Variants in BFSP2 observed in about 807,000 individuals in gnomAD.
BFSP2 encodes phakinin.
A neutral mutation model predicts 44.9 loss-of-function variants in BFSP2; 38 were observed. The observed-to-expected ratio is 0.85, with a 90% CI of 0.65 to 1.11. BFSP2 has a LOEUF of 1.11. BFSP2 is among the 50% of genes least tolerant of loss of function. The pLI is 0.00. For missense variants in BFSP2, 525 were observed against 533.0 expected (o/e 0.99, Z 0.15); for synonymous variants, 197 against 209.9 (o/e 0.94, Z 0.53).
intron 1 of BFSP2, among the ~76,000 whole-genome samples, chr3:133,443,281 T>C (rs1227991379): frequency 1.3e-5 from 2 of 152,176 alleles, no homozygotes; most frequent in Admixed American, 1.3e-4. Context: ...AGTTCTGAGA[T>C]AGACATTTAA....
At chr3:133,432,019 A>G (rs11711231) in intron 1 of BFSP2, among the ~76,000 whole-genome samples, 103,494 of 150,926 alleles carry the variant, frequency 0.69, 36,003 homozygotes, top group Middle Eastern at 0.88. Context: ...ACAAGTATGG[A>G]ACATCTCTAC....
At chr3:133,408,502 G>T (rs1559956832) in intron 1 of BFSP2, among the ~76,000 whole-genome samples, 1 of 152,208 alleles carries the variant, frequency 6.6e-6, no homozygotes, top group Non-Finnish European at 1.5e-5. Context: ...TGACCCAGCA[G>T]TCCTGTTTCT....
chr3:133,417,380 CCCTCTA>C (rs2073547622), intron 1 of BFSP2, among the ~76,000 whole-genome samples: 1 of 132,806 alleles, frequency 7.5e-6, no homozygotes, highest in African/African-American at 2.9e-5. Flanking sequence ...CTGCCCTCTC[CCCTCTA>C]CGTACCCCTG....
In BFSP2 at chr3:133,472,490, A is replaced by G; in HGVS notation, c.1169A>G (p.His390Arg). The change falls in exon 6 of 7, where the codon CAT becomes CGT. Residue 390 changes from histidine (H) to arginine (R), a missense_variant. Coordinates refer to ENST00000302334, the MANE Select transcript of BFSP2 (RefSeq NM_003571.4). ...GAGCAGCAGCAACAGGAGCGCGCGC[A>G]TCTGCTGGCCCGCAAGTGCCAGCTG... The part of the protein sequence containing the change: ...EAEQQQQERA[H>R]LLARKCQLQK... 1.2e-6 allele frequency: 2 copies of G among 1,613,524 alleles called. No homozygotes were observed. The highest frequency in any genetic ancestry group is 1.7e-6 in the Non-Finnish European group (2 of 1,180,008).
chr3:133,466,771 A>G, intron 4 of BFSP2, 57 bp from the exon 5 acceptor site: 1 of 1,583,732 alleles, frequency 6.3e-7, no homozygotes, highest in East Asian at 2.3e-5. Flanking sequence ...CTGGGAAGGA[A>G]GGATGGGCTC....
chr3:133,472,520 A>T lies in BFSP2; in HGVS notation c.1199A>T (p.Lys400Met), dbSNP rs1286198987. 16 of 1,612,796 alleles carry T rather than the reference A, an allele frequency of 9.9e-6. No homozygotes were observed. The highest frequency in any genetic ancestry group is 1.4e-5 in the Non-Finnish European group (16 of 1,180,006). Reference protein sequence around the residue: ...HLLARKCQLQKDVASYHALLD... With the variant: ...HLLARKCQLQMDVASYHALLD... ...CTGGCCCGCAAGTGCCAGCTGCAGA[A>T]GGACGTGGCGTCCTACCACGCCCTG... The change falls in exon 6 of 7, where the codon AAG becomes ATG. Residue 400 changes from lysine (K) to methionine (M), a missense_variant. Transcript: ENST00000302334.
intron 4 of BFSP2, among the ~76,000 whole-genome samples, chr3:133,458,748 G>A (rs2074035760): frequency 1.3e-5 from 2 of 152,064 alleles, no homozygotes; most frequent in Non-Finnish European, 2.9e-5. Flanking sequence ...CGCTCTCTCA[G>A]GCCCTTATCT....
intron 1 of BFSP2, among the ~76,000 whole-genome samples, chr3:133,409,227 G>GGTGTGTGTGT (rs56156448): frequency 0.016 from 2,427 of 148,572 alleles, 57 homozygotes; most frequent in African/African-American, 0.049. Context: ...TTCTGACACT[G>GGTGTGTGTGT]GTGTGTGTGT....
intron 3 of BFSP2, among the ~76,000 whole-genome samples, chr3:133,449,456 A>G (rs1023647096): frequency 6.6e-6 from 1 of 152,128 alleles, no homozygotes; most frequent in Non-Finnish European, 1.5e-5. Flanking sequence ...TTTAGGGTAC[A>G]TGTGCACAAT....
chr3:133,449,722 A>G, intron 3 of BFSP2, among the ~76,000 whole-genome samples: 1 of 151,874 alleles, frequency 6.6e-6, no homozygotes. Flanking sequence ...CACTAAAAAT[A>G]CAAAAATTAG....
At position 133,450,393 on chromosome 3, in the gene BFSP2, A is replaced by G; in HGVS notation, c.820A>G (p.Thr274Ala). The G allele has an allele frequency of 6.2e-7, 1 of 1,614,180 alleles. No individual in the cohort carries two copies. Among genetic ancestry groups the G allele is most frequent in the African/African-American group, 1.3e-5 (1 of 75,058 alleles). The part of the protein sequence containing the change: ...IGTGLDDILE[T>A]IRIQWERDVE... Reference sequence around the variant, plus strand: ...CACTGGTCTGGACGACATCCTTGAGACGATCAGAATTCAGTGGGAGAGAGA... The same window carrying G: ...CACTGGTCTGGACGACATCCTTGAGGCGATCAGAATTCAGTGGGAGAGAGA... The change falls in exon 4 of 7, where the codon ACG becomes GCG. Residue 274 changes from threonine to alanine, a missense_variant. By Grantham distance (58) the Thr-to-Ala change is moderately conservative. Coordinates refer to ENST00000302334, the MANE Select transcript of BFSP2 (RefSeq NM_003571.4).
intron 1 of BFSP2, among the ~76,000 whole-genome samples, chr3:133,445,953 C>G (rs1360063801): frequency 5.3e-5 from 8 of 152,068 alleles, no homozygotes; most frequent in Non-Finnish European, 1.2e-4. Context: ...TCCTTTGATA[C>G]TTAAATGTGA....
intron 5 of BFSP2, among the ~76,000 whole-genome samples, chr3:133,470,744 T>C (rs2074154698): frequency 6.6e-6 from 1 of 152,164 alleles, no homozygotes; most frequent in African/African-American, 2.4e-5. Context: ...TACAGAGACT[T>C]GGTTCCTTCC....
intron 4 of BFSP2, among the ~76,000 whole-genome samples, chr3:133,463,222 T>C (rs2074080023): frequency 6.6e-6 from 1 of 152,036 alleles, no homozygotes; most frequent in Non-Finnish European, 1.5e-5. Flanking sequence ...GGCAGGAGAA[T>C]TGCTTGAACC....
chr3:133,428,228 C>T (rs1348886782), intron 1 of BFSP2, among the ~76,000 whole-genome samples: 3 of 151,986 alleles, frequency 2.0e-5, no homozygotes, highest in African/African-American at 4.8e-5. Flanking sequence ...TTGTGGGCCA[C>T]GTAGTATGGA....
At chr3:133,417,782 C>CT (rs2073555324) in intron 1 of BFSP2, among the ~76,000 whole-genome samples, 1 of 143,526 alleles carries the variant, frequency 7.0e-6, no homozygotes, top group Non-Finnish European at 1.5e-5. Flanking sequence ...CTCTATTCAC[C>CT]CCTCTACTAG....
intron 3 of BFSP2, 102 bp downstream of exon 3, chr3:133,448,747 C>T (rs1485595438): frequency 6.9e-7 from 1 of 1,451,608 alleles, no homozygotes; most frequent in Non-Finnish European, 9.5e-7. Context: ...TTCTGACTCT[C>T]CACATTGCGT....
chr3:133,408,829 T>C lies in BFSP2; in HGVS notation c.489+8257T>C, dbSNP rs973256114. Among the ~76,000 whole-genome samples the C allele has an allele frequency of 2.6e-5, 4 of 151,936 alleles. No individual in the cohort carries two copies. In the South Asian group the frequency reaches 6.2e-4, roughly 24 times the overall value. On this transcript the variant is annotated intron_variant, in intron 1 of 6. Coordinates refer to ENST00000302334, the MANE Select transcript of BFSP2 (RefSeq NM_003571.4). ...TACATATGTGTTTACATTGAAAAAA[T>C]GGAATAAAACAAACCATAAGTATTT...
At chr3:133,447,446 C>G (rs753111913) in intron 2 of BFSP2, 47 bp downstream of exon 2, 1 of 1,570,024 alleles carries the variant, frequency 6.4e-7, no homozygotes, top group Non-Finnish European at 8.7e-7. Context: ...TCCCTAGACT[C>G]CTAGGCAAGT....
Sources: allele counts gnomAD v4.1 joint callset (sites outside exome capture counted in the v4.1 genomes callset), GRCh38; gene constraint gnomAD v4.1.1; transcripts MANE v1.5; gene names NCBI Gene and HGNC (gene_info 2026-07-23, HGNC 2026-07-21).